Variants in PER2 observed in about 807,000 individuals in gnomAD.
PER2 encodes period circadian protein homolog 2.
A neutral mutation model predicts 121.0 loss-of-function variants in PER2; 66 were observed. That is an observed-to-expected ratio of 0.55 (90% CI 0.45 to 0.67). The LOEUF (loss-of-function observed/expected upper bound fraction) is 0.67. Among genes scored for constraint, PER2 ranks in the 30% least tolerant of loss-of-function variants. The pLI is 0.00. For synonymous variants in PER2, 684 were observed against 659.9 expected, an observed-to-expected ratio of 1.04 and a Z score of -0.56; for missense variants, 1,521 against 1,635.0, an observed-to-expected ratio of 0.93 and a Z score of 1.20.
At position 238,265,511 on chromosome 2, in the gene PER2, C is replaced by T. The variant is rs1696064930; in HGVS notation, c.1046+1G>A. On this transcript the variant is annotated splice_donor_variant, in intron 9 of 22. Coordinates refer to ENST00000254657, the MANE Select transcript of PER2 (RefSeq NM_022817.3). LOFTEE classifies it high-confidence loss of function. Reference sequence around the variant, plus strand: ...AAAGGGGGTGGGTCAAGACCACGTACCTTTCATCCACATCCTGGAACAAAC... The same window carrying T: ...AAAGGGGGTGGGTCAAGACCACGTATCTTTCATCCACATCCTGGAACAAAC... 1 of 1,599,746 alleles carries T rather than the reference C, an allele frequency of 6.3e-7. No individual in the cohort carries two copies. Among genetic ancestry groups the T allele is most frequent in the Non-Finnish European group, 8.6e-7 (1 of 1,166,838 alleles).
intron 4 of PER2, among the ~76,000 whole-genome samples, chr2:238,273,762 GGT>G (rs1696367619): frequency 1.3e-5 from 2 of 152,140 alleles, no homozygotes; most frequent in African/African-American, 2.4e-5. Context: ...ACCTCCCAGG[GGT>G]TCAAGCAATT....
At chr2:238,263,182 C>T (rs1475799682) in intron 9 of PER2, 124 bp from the exon 10 acceptor site, 9 of 702,578 alleles carry the variant, frequency 1.3e-5, no homozygotes, top group Non-Finnish European at 2.3e-5. Context: ...CCCCCACCCC[C>T]GGAGATCAAA....
At chr2:238,248,401 A>G (rs1695503613) in intron 22 of PER2, among the ~76,000 whole-genome samples, 1 of 152,190 alleles carries the variant, frequency 6.6e-6, no homozygotes, top group Non-Finnish European at 1.5e-5. Flanking sequence ...TGTGCCTGAG[A>G]GCACGCCAGC....
upstream of PER2, among the ~76,000 whole-genome samples, chr2:238,293,196 A>G (rs1345718081): frequency 2.6e-5 from 4 of 152,184 alleles, no homozygotes; most frequent in Non-Finnish European, 5.9e-5. Flanking sequence ...TCTGCTATAC[A>G]ATACTCTGTA....
chr2:238,251,484 G>A (rs990974647), intron 20 of PER2, 115 bp downstream of exon 20: 3 of 931,522 alleles, frequency 3.2e-6, no homozygotes, highest in African/African-American at 3.2e-5. Flanking sequence ...TCTGACAGCT[G>A]CTTGGGGAGT....
chr2:238,275,549 C>T (rs759487667), intron 4 of PER2, among the ~76,000 whole-genome samples, 194 bp downstream of exon 4: 3 of 152,102 alleles, frequency 2.0e-5, no homozygotes, highest in Non-Finnish European at 2.9e-5. Context: ...ATTAGCTGGG[C>T]GTGGTGGTAC....
At chr2:238,267,296 C>T (rs938573555) in intron 8 of PER2, among the ~76,000 whole-genome samples, 1 of 152,194 alleles carries the variant, frequency 6.6e-6, no homozygotes, top group Admixed American at 6.5e-5. Context: ...AGGAAGGACC[C>T]ATCAAGGTGG....
rs117224336 is a variant in PER2 at position 238,274,431 on chromosome 2, T to C, written c.449-1240A>G. 2.6e-5 allele frequency among the ~76,000 whole-genome samples: 4 copies of C among 152,378 alleles called. No homozygotes were observed. In the East Asian group the frequency reaches 7.7e-4, roughly 29 times the overall value. On this transcript the variant is annotated intron_variant, in intron 4 of 22. Transcript: ENST00000254657. ...TTTGGACCCACAGCTGGGTCTCATA[T>C]GCTTTCAGTTTTGCCACCTTCAGTA...
At chr2:238,289,758 T>A (rs1170474015), upstream of PER2, 3 of 152,266 alleles carry the variant, frequency 2.0e-5, no homozygotes, top group Non-Finnish European at 2.9e-5. Context: ...TAGGAGGTTG[T>A]CCTGGGAGAC....
upstream of PER2, among the ~76,000 whole-genome samples, chr2:238,293,136 C>A (rs893676176): frequency 6.6e-6 from 1 of 151,716 alleles, no homozygotes; most frequent in African/African-American, 2.4e-5. Flanking sequence ...TACATCTAAT[C>A]TTTTCTTTTT....
chr2:238,263,566 G>A (rs1459129345), intron 9 of PER2, among the ~76,000 whole-genome samples: 1 of 152,102 alleles, frequency 6.6e-6, no homozygotes, highest in Admixed American at 6.5e-5. Context: ...TGCCCTTTGA[G>A]CTCATGCCTC....
chr2:238,269,965 G>A (rs1696234653), intron 6 of PER2, among the ~76,000 whole-genome samples: 1 of 152,244 alleles, frequency 6.6e-6, no homozygotes, highest in South Asian at 2.1e-4. Context: ...TCCCTCTGAA[G>A]CCGGTGTGCC....
chr2:238,257,808 G>A (rs1257462174), intron 16 of PER2, among the ~76,000 whole-genome samples: 1 of 152,228 alleles, frequency 6.6e-6, no homozygotes, highest in Admixed American at 6.5e-5. Context: ...GTGAACATCA[G>A]CAACACTGAC....
intron 18 of PER2, chr2:238,254,446 C>T (rs117281705): frequency 6.5e-6 from 1 of 152,818 alleles, no homozygotes; most frequent in East Asian, 1.9e-4. Flanking sequence ...CCAAGGCAGT[C>T]CCATGCCTTT....
the PER2 span, chr2:238,295,315 T>C: frequency 6.7e-6 from 1 of 149,366 alleles, no homozygotes; most frequent in African/African-American, 2.6e-5. Flanking sequence ...TTCTCCTTCT[T>C]CTTCTTCTTC....
chr2:238,288,072 T>C (rs1696841581), intron 1 of PER2, among the ~76,000 whole-genome samples: 1 of 152,132 alleles, frequency 6.6e-6, no homozygotes, highest in South Asian at 2.1e-4. Flanking sequence ...GTCCCTCTGA[T>C]CACCCATTCC....
Position 238,277,968 on chromosome 2 carries a change from G to C in PER2, c.-19-13C>G. ...CTCTGGAACGAAGCTGGCAAACAGA[G>C]GGATGCTGTCACGCATTAACAAGCA... On this transcript the variant is annotated splice_polypyrimidine_tract_variant and intron_variant, in intron 1 of 22. Transcript: ENST00000254657. The C allele has an allele frequency of 6.2e-7, 1 of 1,608,666 alleles. No homozygotes were observed. Among genetic ancestry groups the C allele is most frequent in the Non-Finnish European group, 8.5e-7 (1 of 1,178,234 alleles).
chr2:238,245,907 T>C lies in PER2; in HGVS notation c.*468A>G. 2.9e-6 allele frequency: 1 copy of C among 344,384 alleles called. No homozygotes were observed. The highest frequency in any genetic ancestry group is 5.2e-6 in the Non-Finnish European group (1 of 192,990). 21.3% of individuals were successfully genotyped at this position (344,384 alleles called of 1,614,324 possible). On this transcript the variant is annotated 3_prime_UTR_variant, in exon 23 of 23. Coordinates refer to ENST00000254657, the MANE Select transcript of PER2 (RefSeq NM_022817.3). ...ATTTGGTATGTATAAAAAAACACTC[T>C]ACCTTGACTAAATGATAATTCAGAT... is the stretch of plus-strand genomic sequence containing the variant.
At chr2:238,251,811 C>G in intron 19 of PER2, 50 bp from the exon 20 acceptor site, 2 of 733,408 alleles carry the variant, frequency 2.7e-6, no homozygotes, top group Non-Finnish European at 4.5e-6. Context: ...AGTCAGGACA[C>G]AGCATATGCA....
Sources: gnomAD v4.1 joint callset for allele counts (sites outside exome capture counted in the v4.1 genomes callset) on GRCh38, gnomAD v4.1.1 for gene constraint, MANE v1.5 for transcripts, NCBI Gene and HGNC (gene_info 2026-07-23, HGNC 2026-07-21) for gene names.